Variants in TRIM69 observed in about 807,000 individuals in gnomAD.
The protein encoded by TRIM69 is E3 ubiquitin-protein ligase TRIM69.
Under a neutral mutation model 37.7 loss-of-function variants are expected in TRIM69, and 29 were observed. That is an observed-to-expected ratio of 0.77 (90% CI 0.57 to 1.05). The LOEUF (loss-of-function observed/expected upper bound fraction) is 1.05. TRIM69 is among the 50% of genes least tolerant of loss of function. The pLI is 0.00. For synonymous variants in TRIM69, 209 were observed against 212.4 expected (o/e 0.98, Z 0.14); for missense variants, 596 against 579.9 (o/e 1.03, Z -0.28).
chr15:44,763,782 T>C (rs2087830058), intron 6 of TRIM69, among the ~76,000 whole-genome samples: 1 of 152,224 alleles, frequency 6.6e-6, no homozygotes, highest in Admixed American at 6.5e-5. Context: ...TATGACATCA[T>C]TTTGTTCCTT....
In TRIM69 at chr15:44,767,462, C is replaced by A. The variant is rs1465338983; in HGVS notation, c.1193C>A (p.Ser398Tyr). 1.5e-5 allele frequency: 24 copies of A among 1,614,046 alleles called. No individual in the cohort carries two copies. Among genetic ancestry groups the A allele is most frequent in the Non-Finnish European group, 2.0e-5 (24 of 1,180,034 alleles). ...TGGACAGTTGGAGTTGTCAGAGAAT[C>A]CATCATTCGGAAGGGCAGCTGTCCT... Reference protein sequence around the residue: ...TKWTVGVVRESIIRKGSCPLT... With the variant: ...TKWTVGVVREYIIRKGSCPLT... Residue 398 changes from serine (S) to tyrosine (Y), a missense_variant, in exon 7 of 7, where the codon TCC becomes TAC. Transcript: ENST00000329464.
chr15:44,758,682 T>C lies in TRIM69; in HGVS notation c.641T>C (p.Leu214Pro), dbSNP rs777076724. 3.1e-6 allele frequency: 5 copies of C among 1,614,182 alleles called. No homozygotes were observed. The South Asian group carries it at 5.5e-5, about 18-fold the overall frequency. Residue 214 changes from leucine (L) to proline (P), a missense_variant, in exon 4 of 7, where the codon CTG (leucine) becomes CCG (proline). Leu to Pro is a moderately conservative substitution (Grantham distance 98). Transcript: ENST00000329464. ...GAGTTTCTAAAGCTGCATCAGTTCCTGCACAGCAAAGAAAAGGACATTTTA... is the reference window on the plus strand; with the variant it reads ...GAGTTTCTAAAGCTGCATCAGTTCCCGCACAGCAAAGAAAAGGACATTTTA... ...SMEFLKLHQF[L>P]HSKEKDILTE...
chr15:44,759,705 C>T, intron 5 of TRIM69, 43 bp downstream of exon 5: 1 of 1,614,066 alleles, frequency 6.2e-7, no homozygotes, highest in Non-Finnish European at 8.5e-7. Flanking sequence ...TTCCTTGAGT[C>T]TCTGGAGGAT....
At chr15:44,767,061 A>AAAAAAAGAAAG in intron 6 of TRIM69, among the ~76,000 whole-genome samples, 170 bp from the exon 7 acceptor site, 1 of 131,616 alleles carries the variant, frequency 7.6e-6, no homozygotes, top group South Asian at 2.3e-4. Context: ...CTCAAAAAAA[A>AAAAAAAGAAAG]AAAAAAAAAA....
intron 1 of TRIM69, among the ~76,000 whole-genome samples, chr15:44,750,779 C>T (rs1394907067): frequency 2.5e-5 from 3 of 117,720 alleles, no homozygotes; most frequent in Non-Finnish European, 4.8e-5. Flanking sequence ...GGCTGGAGTG[C>T]AGTGGCGCGA....
chr15:44,762,554 T>A (rs1372209410), intron 6 of TRIM69, among the ~76,000 whole-genome samples: 1 of 152,162 alleles, frequency 6.6e-6, no homozygotes, highest in Non-Finnish European at 1.5e-5. Context: ...AGTACTTTTT[T>A]AGCCTTTTTT....
chr15:44,766,538 G>A (rs2087891018), intron 6 of TRIM69, among the ~76,000 whole-genome samples: 1 of 152,040 alleles, frequency 6.6e-6, no homozygotes, highest in African/African-American at 2.4e-5. Context: ...TACATCTCAT[G>A]TATATACAAC....
rs767436744 is a variant in TRIM69 at position 44,767,485 on chromosome 15, C to G, written c.1216C>G (p.Pro406Ala). Reference protein sequence around the residue: ...RESIIRKGSCPLTPEQGFWLL... With the variant: ...RESIIRKGSCALTPEQGFWLL... The stretch of plus-strand genomic sequence containing the variant: ...ATCCATCATTCGGAAGGGCAGCTGT[C>G]CTCTAACTCCTGAGCAAGGATTCTG... Residue 406 changes from proline to alanine, a missense_variant, in exon 7 of 7, where the codon CCT becomes GCT. Pro to Ala is a conservative substitution (Grantham distance 27). Transcript: ENST00000329464. 8 of 1,614,162 alleles carry G rather than the reference C, an allele frequency of 5.0e-6. No homozygotes were observed. In the East Asian group the frequency reaches 1.8e-4, roughly 36 times the overall value.
rs199662710 is a variant in TRIM69, at chr15:44,755,224, G to A, written c.331G>A (p.Gly111Ser). 1 of 1,614,096 alleles carries A rather than the reference G, an allele frequency of 6.2e-7. No homozygotes were observed. The highest frequency in any genetic ancestry group is 1.3e-5 in the African/African-American group (1 of 75,002). The change falls in exon 2 of 7, where the codon GGC becomes AGC. Residue 111 changes from glycine (G) to serine (S), a missense_variant. Coordinates refer to ENST00000329464, the MANE Select transcript of TRIM69 (RefSeq NM_182985.5). The part of the protein sequence containing the change: ...EKIKKLPLLK[G>S]HPQCPEHGEN... Reference sequence around the variant, plus strand: ...GATTAAGAAGTTACCCTTACTCAAGGGCCATCCACAGTGCCCAGAGCATGG... The same window carrying A: ...GATTAAGAAGTTACCCTTACTCAAGAGCCATCCACAGTGCCCAGAGCATGG...
chr15:44,763,333 A>G (rs2087817470), intron 6 of TRIM69, among the ~76,000 whole-genome samples: 1 of 152,200 alleles, frequency 6.6e-6, no homozygotes, highest in African/African-American at 2.4e-5. Flanking sequence ...ATTAATTGGG[A>G]GAGGAAGACA....
intron 4 of TRIM69, 58 bp downstream of exon 4, chr15:44,758,912 T>G: frequency 6.4e-7 from 1 of 1,552,706 alleles, no homozygotes; most frequent in South Asian, 1.2e-5. Flanking sequence ...GGGGAAGAGG[T>G]TTGGAAAGAA....
chr15:44,761,585 C>G (rs1459368603), intron 6 of TRIM69, among the ~76,000 whole-genome samples: 1 of 152,218 alleles, frequency 6.6e-6, no homozygotes. Context: ...GCGCCTCAGA[C>G]TCCCCAGTAG....
intron 1 of TRIM69, among the ~76,000 whole-genome samples, chr15:44,740,593 T>A (rs1358591133): frequency 1.3e-5 from 2 of 152,032 alleles, no homozygotes; most frequent in African/African-American, 4.8e-5. Flanking sequence ...GAGACACACA[T>A]AGGCTCAAAA....
At chr15:44,746,379 G>C (rs1250419478) in intron 1 of TRIM69, among the ~76,000 whole-genome samples, 1 of 151,996 alleles carries the variant, frequency 6.6e-6, no homozygotes, top group African/African-American at 2.4e-5. Context: ...GAAATGAAGG[G>C]ACATTAGACA....
At chr15:44,739,422 G>A (rs906817984) in intron 1 of TRIM69, among the ~76,000 whole-genome samples, 31 of 152,238 alleles carry the variant, frequency 2.0e-4, no homozygotes, top group African/African-American at 7.5e-4. Context: ...GAAGCAGGGC[G>A]AGGCATTGCC....
rs1005661221 is a variant in TRIM69 at position 44,767,218 on chromosome 15, A to G, written c.962-13A>G. ...TTTCTCCCATGCTCTGCTTTCTTTT[A>G]TTTTCTTACTAGGCCTGTCTCCACT... On this transcript the variant is annotated splice_polypyrimidine_tract_variant and intron_variant, in intron 6 of 6. Coordinates refer to ENST00000329464, the MANE Select transcript of TRIM69 (RefSeq NM_182985.5). The G allele has an allele frequency of 6.3e-7, 1 of 1,599,386 alleles. No individual in the cohort carries two copies. Among genetic ancestry groups the G allele is most frequent in the Non-Finnish European group, 8.5e-7 (1 of 1,173,292 alleles).
At position 44,755,124 on chromosome 15, in the gene TRIM69, CT is replaced by C; in HGVS notation, c.232del (p.Cys78ValfsTer23). 1 of 1,614,204 alleles carries C rather than the reference CT, an allele frequency of 6.2e-7. No individual in the cohort carries two copies. Among genetic ancestry groups the C allele is most frequent in the South Asian group, 1.1e-5 (1 of 91,084 alleles). On this transcript the variant is annotated frameshift_variant, in exon 2 of 7. Coordinates refer to ENST00000329464, the MANE Select transcript of TRIM69 (RefSeq NM_182985.5). LOFTEE classifies it high-confidence loss of function. ...FWRLQAKETF[C>X]PECKMLCQYN... ...GGAGGCTGCAAGCAAAGGAAACATT[CT>C]GTCCTGAGTGTAAGATGCTATGTCA...
At chr15:44,751,156 C>T (rs1240785263) in intron 1 of TRIM69, among the ~76,000 whole-genome samples, 2 of 151,266 alleles carry the variant, frequency 1.3e-5, no homozygotes, top group African/African-American at 4.9e-5. Flanking sequence ...CGCTCTGTCG[C>T]CCAGGCTGGA....
At chr15:44,746,750 G>GCACACACACACA (rs10561330) in intron 1 of TRIM69, among the ~76,000 whole-genome samples, 6 of 150,276 alleles carry the variant, frequency 4.0e-5, no homozygotes, top group African/African-American at 1.5e-4. Flanking sequence ...ACGTGCACGT[G>GCACACACACACA]CACACACACA....
Sources: gnomAD v4.1 joint callset for allele counts (sites outside exome capture counted in the v4.1 genomes callset) on GRCh38, gnomAD v4.1.1 for gene constraint, MANE v1.5 for transcripts, NCBI Gene and HGNC (gene_info 2026-07-23, HGNC 2026-07-21) for gene names.